UBE2U: variants seen among roughly 807,000 people sequenced by gnomAD.
The protein encoded by UBE2U is ubiquitin-conjugating enzyme E2 U.
UBE2U carries 39 observed loss-of-function variants against 41.2 expected under a neutral mutation model. The ratio of observed to expected loss-of-function variants is 0.95; its 90% CI spans 0.73 to 1.24. The LOEUF (loss-of-function observed/expected upper bound fraction) is 1.24, where lower values mean the gene tolerates loss of function less well. Among genes scored for constraint, UBE2U ranks in the 50% most tolerant of loss-of-function variants. UBE2U has a pLI of 0.00. For synonymous variants in UBE2U, 107 were observed against 117.8 expected, an observed-to-expected ratio of 0.91 and a Z score of 0.60; for missense variants, 336 against 363.1, an observed-to-expected ratio of 0.93 and a Z score of 0.61.
At chr1:64,246,642 C>T (rs1202241666) in intron 8 of UBE2U, among the ~76,000 whole-genome samples, 1 of 151,994 alleles carries the variant, frequency 6.6e-6, no homozygotes, top group Admixed American at 6.6e-5. Flanking sequence ...ATGACTTTTG[C>T]CAAGCAACTA....
chr1:64,213,462 T>G (rs564015706), intron 4 of UBE2U, among the ~76,000 whole-genome samples: 1 of 152,148 alleles, frequency 6.6e-6, no homozygotes, highest in Non-Finnish European at 1.5e-5. Flanking sequence ...AGCTTTGGTT[T>G]TGGGGGAGCT....
chr1:64,239,515 C>G lies in UBE2U; in HGVS notation c.596-2137C>G, dbSNP rs181958533. ...GTATATCTCCTAATGCTATCCCTCCCCCCTCCCCCCACCCCACGACAGGCC... is the reference window on the plus strand; with the variant it reads ...GTATATCTCCTAATGCTATCCCTCCGCCCTCCCCCCACCCCACGACAGGCC... On this transcript the variant is annotated intron_variant, in intron 7 of 9. Coordinates refer to ENST00000371077, the MANE Select transcript of UBE2U (RefSeq NM_001366232.2). 9.4e-4 allele frequency among the ~76,000 whole-genome samples: 102 copies of G among 109,018 alleles called. 1 individual carries two copies. In the East Asian group the frequency reaches 0.028, roughly 30 times the overall value. 71.5% of individuals were successfully genotyped at this position (109,018 alleles called of 152,430 possible). A position where few individuals can be genotyped will look rare whatever the true frequency, so the allele number is the denominator to read the frequency against.
rs370171436 is a variant in UBE2U, at chr1:64,205,671, G to C, written c.99G>C (p.Met33Ile). The C allele has an allele frequency of 3.0e-4, 480 of 1,613,238 alleles. 12 individuals are homozygous for C. In the South Asian group the frequency reaches 4.6e-3, roughly 16 times the overall value. Residue 33 changes from methionine (M) to isoleucine (I), a missense_variant, in exon 2 of 10, where the codon ATG (methionine) becomes ATC (isoleucine). Physicochemically the swap from Met to Ile is conservative, Grantham distance 10. Transcript: ENST00000371077. ...CTGCTAAGCCTGTAAGTGAAGATAT[G>C]ATGGAATGGGAAGTTGAAATTGAAG... is the stretch of plus-strand genomic sequence containing the variant. ...GITAKPVSED[M>I]MEWEVEIEGL...
chr1:64,238,337 G>C (rs552198857), intron 7 of UBE2U, among the ~76,000 whole-genome samples: 4 of 152,040 alleles, frequency 2.6e-5, no homozygotes, highest in South Asian at 4.2e-4. Flanking sequence ...CTGGAAGATG[G>C]AGGTTGCAGT....
intron 3 of UBE2U, 22 bp from the exon 4 acceptor site, chr1:64,210,720 T>G (rs757584898): frequency 7.4e-7 from 1 of 1,345,370 alleles, no homozygotes; most frequent in Non-Finnish European, 1.0e-6. Flanking sequence ...AATGCAAATA[T>G]TAATGTATTA....
Position 64,237,304 on chromosome 1 carries a change from GAA to G in UBE2U, c.596-4331_596-4330del, listed in dbSNP as rs35861714. Among the ~76,000 whole-genome samples the G allele has an allele frequency of 6.7e-3, 646 of 95,754 alleles. 3 individuals are homozygous for G. The highest frequency in any genetic ancestry group is 0.027 in the African/African-American group (582 of 21,586). 62.8% of individuals were successfully genotyped at this position (95,754 alleles called of 152,430 possible). Reference sequence around the variant, plus strand: ...GATGTTGGACAAGAGATGTATCATAGAAAAAAAAAAAAAAAAAAGCAGAGTAG... The same window carrying G: ...GATGTTGGACAAGAGATGTATCATAGAAAAAAAAAAAAAAAAGCAGAGTAG... On this transcript the variant is annotated intron_variant, in intron 7 of 9. Coordinates refer to ENST00000371077, the MANE Select transcript of UBE2U (RefSeq NM_001366232.2).
Position 64,205,700 on chromosome 1 carries a change from T to C in UBE2U, c.128T>C (p.Leu43Pro). The change falls in exon 2 of 10, where the codon CTA becomes CCA. Residue 43 changes from leucine (L) to proline (P), a missense_variant. Transcript: ENST00000371077. ...MMEWEVEIEG[L>P]QNSVWQGLVF... ...GAATGGGAAGTTGAAATTGAAGGTC[T>C]ACAGAATTCAGTTTGGCAGGGTTTG... is the stretch of plus-strand genomic sequence containing the variant. 6 of 1,613,204 alleles carry C rather than the reference T, an allele frequency of 3.7e-6. No individual in the cohort carries two copies. The highest frequency in any genetic ancestry group is 5.1e-6 in the Non-Finnish European group (6 of 1,179,482).
At chr1:64,217,722 T>C (rs1232093675) in intron 5 of UBE2U, among the ~76,000 whole-genome samples, 1 of 152,186 alleles carries the variant, frequency 6.6e-6, no homozygotes, top group Admixed American at 6.5e-5. Context: ...GAGGATCATC[T>C]AATACATTTC....
rs560396181 is a variant in UBE2U at position 64,203,865 on chromosome 1, G to A, written c.-186G>A. 125 of 451,348 alleles carry A rather than the reference G, an allele frequency of 2.8e-4. No homozygotes were observed. Among genetic ancestry groups the A allele is most frequent in the African/African-American group, 2.1e-3 (104 of 49,948 alleles). The allele number at this position is 451,348 out of a possible 1,614,324, so 28.0% of individuals were successfully genotyped here. A position where few individuals can be genotyped will look rare whatever the true frequency, so the allele number is the denominator to read the frequency against. ...GGAAGTTCTCGTTTAGAGGAGTCAG[G>A]AGAAAAAGTCATTGTTATATCCCAA... On this transcript the variant is annotated 5_prime_UTR_variant, in exon 1 of 10. Coordinates refer to ENST00000371077, the MANE Select transcript of UBE2U (RefSeq NM_001366232.2).
chr1:64,235,936 G>A (rs999687712), intron 7 of UBE2U, among the ~76,000 whole-genome samples: 1 of 151,972 alleles, frequency 6.6e-6, no homozygotes, highest in Non-Finnish European at 1.5e-5. Context: ...TTATTACTTT[G>A]TTTGAAGATG....
At chr1:64,205,137 T>C (rs901961421) in intron 1 of UBE2U, among the ~76,000 whole-genome samples, 1 of 152,228 alleles carries the variant, frequency 6.6e-6, no homozygotes, top group Non-Finnish European at 1.5e-5. Context: ...TTCTATGAAA[T>C]ACATTCTTGT....
chr1:64,243,776 CG>C (rs1644874139), intron 8 of UBE2U, among the ~76,000 whole-genome samples: 1 of 152,116 alleles, frequency 6.6e-6, no homozygotes, highest in South Asian at 2.1e-4. Context: ...CCTTCTGCCT[CG>C]GATCAGCAAG....
chr1:64,253,495 A>T, intron 8 of UBE2U, among the ~76,000 whole-genome samples: 1 of 152,192 alleles, frequency 6.6e-6, no homozygotes, highest in Non-Finnish European at 1.5e-5. Flanking sequence ...GAAGGAAAAA[A>T]TGTTCAGGGA....
chr1:64,263,031 G>GA (rs1159479015), intron 9 of UBE2U, among the ~76,000 whole-genome samples: 2 of 143,588 alleles, frequency 1.4e-5, no homozygotes, highest in Non-Finnish European at 3.1e-5. Flanking sequence ...TGATTTGGGG[G>GA]AAAAAAAGGT....
chr1:64,244,141 T>C, intron 8 of UBE2U: 5 of 1,610,174 alleles, frequency 3.1e-6, no homozygotes, highest in Admixed American at 1.7e-5. Flanking sequence ...TGAAAAATCT[T>C]TCTTTGGAAG....
At chr1:64,217,820 C>T (rs1652131172) in intron 5 of UBE2U, among the ~76,000 whole-genome samples, 1 of 152,090 alleles carries the variant, frequency 6.6e-6, no homozygotes, top group Non-Finnish European at 1.5e-5. Context: ...GATTGTAATA[C>T]TAATTTGTGT....
chr1:64,255,943 G>A (rs1645082455), intron 8 of UBE2U, among the ~76,000 whole-genome samples: 1 of 152,100 alleles, frequency 6.6e-6, no homozygotes, highest in Admixed American at 6.6e-5. Context: ...CAAAATCAAT[G>A]TGCAAAAATT....
chr1:64,206,608 T>C (rs1435252705), intron 2 of UBE2U, among the ~76,000 whole-genome samples, 156 bp from the exon 3 acceptor site: 3 of 152,060 alleles, frequency 2.0e-5, no homozygotes, highest in East Asian at 3.8e-4. Flanking sequence ...GTGTCTGTTA[T>C]ACTATCCAGA....
intron 5 of UBE2U, among the ~76,000 whole-genome samples, chr1:64,217,654 G>C (rs533869780): frequency 6.6e-6 from 1 of 152,218 alleles, no homozygotes; most frequent in Admixed American, 6.5e-5. Context: ...TGGTAGCTAA[G>C]CCTGAGGTAA....
Sources: gnomAD v4.1 joint callset for allele counts (sites outside exome capture counted in the v4.1 genomes callset) on GRCh38, gnomAD v4.1.1 for gene constraint, MANE v1.5 for transcripts, NCBI Gene and HGNC (gene_info 2026-07-23, HGNC 2026-07-21) for gene names.